CD302: variants seen among roughly 807,000 people sequenced by gnomAD.
The protein encoded by CD302 is CD302 molecule, also known as CD302 antigen.
In CD302, 23 loss-of-function variants were observed where a neutral mutation model predicts 26.5. That is an observed-to-expected ratio of 0.87 (90% CI 0.62 to 1.23). CD302 has a LOEUF of 1.23. CD302 is among the 50% of genes most tolerant of loss of function. The pLI is 0.00. For missense variants in CD302, 290 were observed against 275.5 expected (o/e 1.05, Z -0.37); for synonymous variants, 90 against 99.4 (o/e 0.91, Z 0.56).
chr2:159,796,878 A>C (rs1037053674), intron 1 of CD302, among the ~76,000 whole-genome samples: 6 of 152,206 alleles, frequency 3.9e-5, no homozygotes, highest in Admixed American at 3.9e-4. Flanking sequence ...ACAGCCTCGC[A>C]GAGGGTGGTT....
rs1708138172 is a variant in CD302 at position 159,771,265 on chromosome 2, A to G, written c.*586T>C. The G allele has an allele frequency of 1.3e-5, 2 of 152,770 alleles. No individual in the cohort carries two copies. Among genetic ancestry groups the G allele is most frequent in the African/African-American group, 4.8e-5 (2 of 41,432 alleles). 9.5% of individuals were successfully genotyped at this position (152,770 alleles called of 1,614,324 possible). On this transcript the variant is annotated 3_prime_UTR_variant, in exon 6 of 6. Coordinates refer to ENST00000259053, the MANE Select transcript of CD302 (RefSeq NM_014880.5). ...CAGCGATCATATTTTGTTTCAAATA[A>G]TTTATAAACATTCATTAAAACTTGA...
intron 1 of CD302, among the ~76,000 whole-genome samples, chr2:159,791,484 C>T (rs1341259982): frequency 3.3e-5 from 5 of 152,350 alleles, no homozygotes; most frequent in South Asian, 2.1e-4. Context: ...ATGGCCTATA[C>T]ATGTTTACAT....
intron 1 of CD302, among the ~76,000 whole-genome samples, chr2:159,795,007 G>A (rs886328577): frequency 8.6e-5 from 13 of 151,334 alleles, no homozygotes; most frequent in Admixed American, 2.0e-4. Context: ...GGCAGATCAC[G>A]AGGCCAGGAG....
chr2:159,794,687 C>A (rs1400272642), intron 1 of CD302, among the ~76,000 whole-genome samples: 1 of 151,394 alleles, frequency 6.6e-6, no homozygotes, highest in African/African-American at 2.4e-5. Flanking sequence ...TAGCTGGGAC[C>A]ACAGGTGCCT....
intron 5 of CD302, 99 bp from the exon 6 acceptor site, chr2:159,772,152 CTG>C (rs1392182910): frequency 2.5e-5 from 34 of 1,366,566 alleles, no homozygotes; most frequent in South Asian, 5.6e-5. Context: ...AAACATTTCT[CTG>C]TGTTGAGAAT....
chr2:159,771,271 A>AAAC lies in CD302; in HGVS notation c.*577_*579dup, dbSNP rs1214716812. The AAAC allele has an allele frequency of 6.5e-6, 1 of 152,796 alleles. No individual in the cohort carries two copies. The highest frequency in any genetic ancestry group is 1.9e-4 in the East Asian group (1 of 5,218). The allele number at this position is 152,796 out of a possible 1,614,324, so 9.5% of individuals were successfully genotyped here. ...TCATATTTTGTTTCAAATAATTTAT[A>AAAC]AACATTCATTAAAACTTGAGTCATT... On this transcript the variant is annotated 3_prime_UTR_variant, in exon 6 of 6. Coordinates refer to ENST00000259053, the MANE Select transcript of CD302 (RefSeq NM_014880.5).
chr2:159,777,887 T>TTGA (rs1339326528), intron 5 of CD302, 51 bp downstream of exon 5: 2 of 908,660 alleles, frequency 2.2e-6, no homozygotes, highest in Non-Finnish European at 3.3e-6. Flanking sequence ...TGCCAGAATT[T>TTGA]TGATATATTT....
Position 159,769,468 on chromosome 2 carries a change from C to T in CD302, c.*2383G>A, listed in dbSNP as rs143135371. 1.2e-4 allele frequency: 18 copies of T among 152,260 alleles called. No homozygotes were observed. The highest frequency in any genetic ancestry group is 4.3e-4 in the African/African-American group (18 of 41,552). The allele number at this position is 152,260 out of a possible 1,614,324, so 9.4% of individuals were successfully genotyped here. On this transcript the variant is annotated 3_prime_UTR_variant, in exon 6 of 6. Transcript: ENST00000259053. ...GACCAGCCCAGTCAATATGGCGAAACCCCGTCTCTACCAAAAATACAAAAA... is the reference window on the plus strand; with the variant it reads ...GACCAGCCCAGTCAATATGGCGAAATCCCGTCTCTACCAAAAATACAAAAA...
intron 1 of CD302, among the ~76,000 whole-genome samples, chr2:159,796,618 G>A (rs1029529700): frequency 3.9e-5 from 6 of 152,096 alleles, no homozygotes; most frequent in Admixed American, 3.9e-4. Flanking sequence ...TGACTGGGAG[G>A]AGCTGATTAA....
intron 1 of CD302, among the ~76,000 whole-genome samples, chr2:159,791,147 A>G (rs897179641): frequency 6.6e-6 from 1 of 152,222 alleles, no homozygotes; most frequent in African/African-American, 2.4e-5. Flanking sequence ...GAACATCTGT[A>G]GGACTTTTAA....
At chr2:159,792,332 C>A (rs928784961) in intron 1 of CD302, among the ~76,000 whole-genome samples, 1 of 152,102 alleles carries the variant, frequency 6.6e-6, no homozygotes, top group East Asian at 1.9e-4. Context: ...TTCATACAAT[C>A]CAGCCTTGAT....
rs1297655640 is a variant in CD302, at chr2:159,771,674, C to CTGTT, written c.*173_*176dup. The CTGTT allele has an allele frequency of 1.4e-6, 1 of 705,286 alleles. No individual in the cohort carries two copies. The allele number at this position is 705,286 out of a possible 1,614,324, so 43.7% of individuals were successfully genotyped here. ...TTAGATCTAAGATCATTTCTAAAAC[C>CTGTT]TGTTTTTTTAATGAACCTAAAGACT... On this transcript the variant is annotated 3_prime_UTR_variant, in exon 6 of 6. Coordinates refer to ENST00000259053, the MANE Select transcript of CD302 (RefSeq NM_014880.5).
chr2:159,776,855 G>A (rs1574488022), intron 5 of CD302, among the ~76,000 whole-genome samples: 1 of 151,972 alleles, frequency 6.6e-6, no homozygotes, highest in Non-Finnish European at 1.5e-5. Context: ...ACAGGCGCCC[G>A]CCACCGTGCC....
Position 159,780,872 on chromosome 2 carries a change from T to C in CD302, c.295+10A>G. The stretch of plus-strand genomic sequence containing the variant: ...ACAAAGTCACGTCCCACGAGGTAAA[T>C]ATCACTTACCATCTGTGTCATAAAA... On this transcript the variant is annotated intron_variant, in intron 3 of 5. Coordinates refer to ENST00000259053, the MANE Select transcript of CD302 (RefSeq NM_014880.5). 6.2e-7 allele frequency: 1 copy of C among 1,608,858 alleles called. No homozygotes were observed. Among genetic ancestry groups the C allele is most frequent in the Non-Finnish European group, 8.5e-7 (1 of 1,177,704 alleles).
chr2:159,781,814 T>C (rs777977842), intron 2 of CD302, among the ~76,000 whole-genome samples: 1 of 152,202 alleles, frequency 6.6e-6, no homozygotes. Flanking sequence ...AAACAACATA[T>C]ATGTATTAAG....
In CD302 at chr2:159,780,942, A is replaced by G; in HGVS notation, c.235T>C (p.Leu79=). 1 of 1,613,676 alleles carries G rather than the reference A, an allele frequency of 6.2e-7. No individual in the cohort carries two copies. Among genetic ancestry groups the G allele is most frequent in the East Asian group, 2.2e-5 (1 of 44,858 alleles). ...EEENAFILDT[L]KKQWKGPDDI... Reference sequence around the variant, plus strand: ...TCTGGGCCTTTCCATTGCTTTTTCAAAGTATCCAGTATAAAAGCATTTTCT... The same window carrying G: ...TCTGGGCCTTTCCATTGCTTTTTCAGAGTATCCAGTATAAAAGCATTTTCT... Residue 79 remains leucine, a synonymous_variant, in exon 3 of 6, where the codon TTG becomes CTG. Transcript: ENST00000259053.
At chr2:159,785,155 T>C (rs1353751648) in intron 1 of CD302, among the ~76,000 whole-genome samples, 2 of 151,954 alleles carry the variant, frequency 1.3e-5, no homozygotes, top group Non-Finnish European at 2.9e-5. Context: ...TTTAATTTTT[T>C]TGTAGAGACA....
At chr2:159,779,073 A>G (rs1560043604) in intron 4 of CD302, among the ~76,000 whole-genome samples, 1 of 151,886 alleles carries the variant, frequency 6.6e-6, no homozygotes, top group Non-Finnish European at 1.5e-5. Flanking sequence ...CTACTAAAAA[A>G]TACAAAAATT....
chr2:159,783,404 T>C lies in CD302; in HGVS notation c.133A>G (p.Lys45Glu). Residue 45 changes from lysine to glutamate, a missense_variant, in exon 2 of 6, where the codon AAA becomes GAA. Coordinates refer to ENST00000259053, the MANE Select transcript of CD302 (RefSeq NM_014880.5). ...SCYIFLQEAI[K>E]VESIEDVRNQ... ...CTGACATCCTCTATGCTTTCTACTT[T>C]GATGGCTTCTTGGAGAAAAATGTAA... 4 of 1,613,058 alleles carry C rather than the reference T, an allele frequency of 2.5e-6. No homozygotes were observed. Among genetic ancestry groups the C allele is most frequent in the Non-Finnish European group, 3.4e-6 (4 of 1,179,696 alleles).
Sources: allele counts gnomAD v4.1 joint callset (sites outside exome capture counted in the v4.1 genomes callset), GRCh38; gene constraint gnomAD v4.1.1; transcripts MANE v1.5; gene names NCBI Gene and HGNC (gene_info 2026-07-23, HGNC 2026-07-21).